The following GOLM2 variants were observed in gnomAD, a reference collection of about 807,000 sequenced individuals.
GOLM2 encodes golgi membrane protein 2.
In GOLM2, 26 loss-of-function variants were observed where a neutral mutation model predicts 55.9. The ratio of observed to expected loss-of-function variants is 0.47; its 90% CI spans 0.34 to 0.65. The LOEUF (loss-of-function observed/expected upper bound fraction) is 0.65. Ranked by LOEUF, GOLM2 falls within the 30% of genes least tolerant of loss-of-function variation. The probability of loss-of-function intolerance (pLI) is 0.01; values close to 1 mark genes in which losing one functional copy is unlikely to be tolerated. For synonymous variants in GOLM2, 165 were observed against 194.6 expected (o/e 0.85, Z 1.27); for missense variants, 486 against 531.8 (o/e 0.91, Z 0.85).
chr15:44,413,231 A>C lies in GOLM2; in HGVS notation c.1241-105A>C, dbSNP rs77653030. The C allele has an allele frequency of 6.7e-6, 5 of 746,740 alleles. No homozygotes were observed. In the East Asian group the frequency reaches 1.4e-4, roughly 20 times the overall value. The allele number at this position is 746,740 out of a possible 1,614,324, so 46.3% of individuals were successfully genotyped here. A position where few individuals can be genotyped will look rare whatever the true frequency, so the allele number is the denominator to read the frequency against. ...ACACTATTTGTACTAGGTGTAAAAT[A>C]ACAAGCAGGAAACTACCTTAAGGCT... On this transcript the variant is annotated intron_variant, in intron 9 of 9. Transcript: ENST00000299957.
chr15:44,367,023 T>A (rs2079290493), intron 6 of GOLM2, among the ~76,000 whole-genome samples: 1 of 152,244 alleles, frequency 6.6e-6, no homozygotes, highest in African/African-American at 2.4e-5. Flanking sequence ...AAATTATAAT[T>A]AAAAATTTTT....
intron 8 of GOLM2, among the ~76,000 whole-genome samples, chr15:44,391,374 G>A (rs910462268): frequency 6.6e-6 from 1 of 151,824 alleles, no homozygotes. Context: ...AAAATTAGCC[G>A]GTCGTGGTGG....
intron 1 of GOLM2, among the ~76,000 whole-genome samples, chr15:44,321,419 TGTTTTG>T (rs2078947938): frequency 7.1e-6 from 1 of 140,080 alleles, no homozygotes; most frequent in African/African-American, 2.7e-5. Flanking sequence ...TGCAGGGAGC[TGTTTTG>T]CCACTGCACT....
intron 6 of GOLM2, among the ~76,000 whole-genome samples, chr15:44,374,146 A>C (rs2079348784): frequency 6.6e-6 from 1 of 152,162 alleles, no homozygotes; most frequent in Non-Finnish European, 1.5e-5. Context: ...CAAATGATTA[A>C]ATTTCTACAC....
chr15:44,410,559 CAT>C (rs935281286), intron 9 of GOLM2, among the ~76,000 whole-genome samples: 2 of 151,992 alleles, frequency 1.3e-5, no homozygotes, highest in Non-Finnish European at 2.9e-5. Flanking sequence ...TTGGGATTAT[CAT>C]ACCTAGTGGA....
chr15:44,404,542 A>C (rs939323594), intron 9 of GOLM2, among the ~76,000 whole-genome samples: 26 of 152,094 alleles, frequency 1.7e-4, no homozygotes, highest in African/African-American at 6.0e-4. Context: ...CTATAATCTC[A>C]TCCTTTTTTC....
intron 1 of GOLM2, among the ~76,000 whole-genome samples, chr15:44,314,251 A>G (rs1438996567): frequency 6.6e-6 from 1 of 150,784 alleles, no homozygotes; most frequent in Non-Finnish European, 1.5e-5. Flanking sequence ...AAAAAAAAAG[A>G]AAAGAAAAGA....
At chr15:44,405,939 G>A (rs1383544546) in intron 9 of GOLM2, among the ~76,000 whole-genome samples, 1 of 151,908 alleles carries the variant, frequency 6.6e-6, no homozygotes, top group Non-Finnish European at 1.5e-5. Flanking sequence ...GATTCTTTAG[G>A]TATATTATTA....
intron 8 of GOLM2, among the ~76,000 whole-genome samples, chr15:44,386,987 C>T (rs1483321737): frequency 6.6e-6 from 1 of 151,976 alleles, no homozygotes; most frequent in Non-Finnish European, 1.5e-5. Context: ...CCAGCCTGGG[C>T]AACATGGCAA....
At position 44,379,651 on chromosome 15, in the gene GOLM2, A is replaced by G. The variant is rs749405406; in HGVS notation, c.803-39A>G. On this transcript the variant is annotated intron_variant, in intron 6 of 9. Coordinates refer to ENST00000299957, the MANE Select transcript of GOLM2 (RefSeq NM_138423.4). ...TTTTTTTTTTTTTAGAAATCATAGT[A>G]TCAATGGGAATAATATGGATTTATT... 6.9e-6 allele frequency: 4 copies of G among 577,964 alleles called. No homozygotes were observed. In the East Asian group the frequency reaches 1.6e-4, roughly 23 times the overall value. 35.8% of individuals were successfully genotyped at this position (577,964 alleles called of 1,614,324 possible).
chr15:44,375,182 G>A (rs558063605), intron 6 of GOLM2, among the ~76,000 whole-genome samples: 8 of 151,982 alleles, frequency 5.3e-5, no homozygotes, highest in East Asian at 3.9e-4. Context: ...CATTATACCC[G>A]GCTAATTTTT....
At chr15:44,304,640 A>G (rs2078824211) in intron 1 of GOLM2, among the ~76,000 whole-genome samples, 2 of 147,950 alleles carry the variant, frequency 1.4e-5, no homozygotes, top group African/African-American at 2.5e-5. Context: ...TGTAGCCTCA[A>G]CCTCCTGGGG....
chr15:44,350,628 G>C (rs79911633), intron 6 of GOLM2, among the ~76,000 whole-genome samples: 5,959 of 152,204 alleles, frequency 0.039, 337 homozygotes, highest in African/African-American at 0.12. Context: ...TCTAGGAGAC[G>C]AGTAATAGCC....
At chr15:44,291,706 T>C (rs1418537171) in intron 1 of GOLM2, among the ~76,000 whole-genome samples, 1 of 152,240 alleles carries the variant, frequency 6.6e-6, no homozygotes, top group Non-Finnish European at 1.5e-5. Flanking sequence ...CTATATTCTT[T>C]GCTGGATTTA....
At chr15:44,356,596 A>G (rs777791665) in intron 6 of GOLM2, among the ~76,000 whole-genome samples, 20 of 152,220 alleles carry the variant, frequency 1.3e-4, no homozygotes, top group Non-Finnish European at 2.2e-4. Flanking sequence ...AGCAGGAAGC[A>G]CCAGGTACAG....
chr15:44,348,599 G>A (rs2079140754), intron 6 of GOLM2: 1 of 152,258 alleles, frequency 6.6e-6, no homozygotes, highest in African/African-American at 2.4e-5. Context: ...CACCCTGAAA[G>A]GAAGGACACA....
At chr15:44,334,004 C>CA (rs1354064569) in intron 4 of GOLM2, among the ~76,000 whole-genome samples, 2 of 152,144 alleles carry the variant, frequency 1.3e-5, no homozygotes, top group Non-Finnish European at 2.9e-5. Context: ...CGTGAGGCAC[C>CA]ACGCCCGGCC....
intron 1 of GOLM2, among the ~76,000 whole-genome samples, chr15:44,313,964 G>A (rs531974166): frequency 5.9e-5 from 9 of 152,256 alleles, no homozygotes; most frequent in Non-Finnish European, 8.8e-5. Context: ...GGGGCCAGGC[G>A]CAGTGGCTCA....
At chr15:44,413,209 C>T (rs1185915974) in intron 9 of GOLM2, 127 bp from the exon 10 acceptor site, 12 of 624,476 alleles carry the variant, frequency 1.9e-5, no homozygotes, top group Non-Finnish European at 3.4e-5. Flanking sequence ...AAATAGAACA[C>T]TATTTGTACT....
Sources: allele counts gnomAD v4.1 joint callset (sites outside exome capture counted in the v4.1 genomes callset), GRCh38; gene constraint gnomAD v4.1.1; transcripts MANE v1.5; gene names NCBI Gene and HGNC (gene_info 2026-07-23, HGNC 2026-07-21).